ASAP1: variants seen among roughly 807,000 people sequenced by gnomAD.
The protein encoded by ASAP1 is arf-GAP with SH3 domain, ANK repeat and PH domain-containing protein 1.
In ASAP1, 43 loss-of-function variants were observed where a neutral mutation model predicts 145.2. The observed-to-expected ratio is 0.30, with a 90% confidence interval of 0.23 to 0.38. ASAP1 has a LOEUF of 0.38. Among genes scored for constraint, ASAP1 ranks in the 10% least tolerant of loss-of-function variants. ASAP1 has a pLI of 1.00. For missense variants in ASAP1, 1,018 were observed against 1,355.3 expected (o/e 0.75, Z 3.91); for synonymous variants, 546 against 515.5 (o/e 1.06, Z -0.80).
At chr8:130,341,806 A>G (rs1039212339) in intron 3 of ASAP1, among the ~76,000 whole-genome samples, 1 of 152,202 alleles carries the variant, frequency 6.6e-6, no homozygotes, top group African/African-American at 2.4e-5. Flanking sequence ...GAAACAGGAA[A>G]AGCATTTATT....
intron 4 of ASAP1, among the ~76,000 whole-genome samples, chr8:130,232,807 G>A (rs1160306235): frequency 1.3e-5 from 2 of 152,136 alleles, no homozygotes; most frequent in African/African-American, 4.8e-5. Flanking sequence ...CTTTTTAAAT[G>A]TTTAAAAAAT....
chr8:130,196,907 T>C (rs1397395935), intron 5 of ASAP1, among the ~76,000 whole-genome samples: 1 of 152,246 alleles, frequency 6.6e-6, no homozygotes, highest in Non-Finnish European at 1.5e-5. Context: ...TATTTAAAAC[T>C]GGTGCCTCCT....
intron 24 of ASAP1, among the ~76,000 whole-genome samples, chr8:130,094,285 A>T (rs1240745993): frequency 6.6e-6 from 1 of 152,188 alleles, no homozygotes; most frequent in Non-Finnish European, 1.5e-5. Flanking sequence ...ATCACAGCTC[A>T]CTGCAGCCCT....
At chr8:130,064,021 T>C (rs951892475) in intron 27 of ASAP1, among the ~76,000 whole-genome samples, 1 of 152,120 alleles carries the variant, frequency 6.6e-6, no homozygotes, top group Non-Finnish European at 1.5e-5. Flanking sequence ...AAGGCCACTC[T>C]GATATGGCAA....
intron 3 of ASAP1, among the ~76,000 whole-genome samples, chr8:130,322,550 G>A (rs1824072841): frequency 6.6e-6 from 1 of 152,190 alleles, no homozygotes; most frequent in Non-Finnish European, 1.5e-5. Flanking sequence ...CAGAACTGGG[G>A]ACTAGGAATC....
rs7017089 is a variant in ASAP1 at position 130,419,312 on chromosome 8, G to A, written c.-27-17342C>T. ...TCACTGGCTTAAAACCATCCCCATCGTCTGCCACTAATTACTTTAGAAGGA... is the reference window on the plus strand; with the variant it reads ...TCACTGGCTTAAAACCATCCCCATCATCTGCCACTAATTACTTTAGAAGGA... On this transcript the variant is annotated intron_variant, in intron 1 of 29. Transcript: ENST00000518721. 4.7e-3 allele frequency among the ~76,000 whole-genome samples: 716 copies of A among 152,272 alleles called. 4 individuals are homozygous for A. Among genetic ancestry groups the A allele is most frequent in the African/African-American group, 0.016 (676 of 41,538 alleles).
At chr8:130,437,735 C>A (rs1830363310) in intron 1 of ASAP1, among the ~76,000 whole-genome samples, 1 of 152,304 alleles carries the variant, frequency 6.6e-6, no homozygotes, top group East Asian at 1.9e-4. Flanking sequence ...TGTCAACATC[C>A]CCCAGAAGCC....
chr8:130,443,216 C>T (rs967949020), intron 1 of ASAP1, among the ~76,000 whole-genome samples: 1 of 131,210 alleles, frequency 7.6e-6, no homozygotes, highest in Non-Finnish European at 1.6e-5. Flanking sequence ...GAGGAGACCT[C>T]CCCCCCCCAC....
Position 130,072,824 on chromosome 8 carries a change from T to TGTGTGTGTGTGTGCGCGC in ASAP1, c.2701+3523_2701+3524insGCGCGCACACACACACAC. Among the ~76,000 whole-genome samples the TGTGTGTGTGTGTGCGCGC allele has an allele frequency of 2.3e-3, 75 of 32,292 alleles. 7 individuals are homozygous for TGTGTGTGTGTGTGCGCGC. The highest frequency in any genetic ancestry group is 7.5e-3 in the Admixed American group (21 of 2,784). The allele number at this position is 32,292 out of a possible 152,430, so 21.2% of individuals were successfully genotyped here. ...GTGTGTGTGTGTGTGTGTGTGTGTGTGCGCGCGGGGGGGGGCAGTTTTGGG... is the reference window on the plus strand; with the variant it reads ...GTGTGTGTGTGTGTGTGTGTGTGTGTGTGTGTGTGTGTGCGCGCGCGCGCGGGGGGGGGCAGTTTTGGG... On this transcript the variant is annotated intron_variant, in intron 27 of 29. Coordinates refer to ENST00000518721, the MANE Select transcript of ASAP1 (RefSeq NM_018482.4).
At chr8:130,066,150 T>G (rs898035494) in intron 27 of ASAP1, among the ~76,000 whole-genome samples, 27 of 152,180 alleles carry the variant, frequency 1.8e-4, no homozygotes, top group Non-Finnish European at 3.8e-4. Flanking sequence ...ACAGAGGTAT[T>G]TCCTTTGCCT....
At chr8:130,317,053 C>T (rs1021108719) in intron 3 of ASAP1, among the ~76,000 whole-genome samples, 4 of 150,594 alleles carry the variant, frequency 2.7e-5, no homozygotes, top group South Asian at 4.2e-4. Context: ...CACCTTGAGA[C>T]TCATTCCTAT....
chr8:130,060,831 TAA>T lies in ASAP1; in HGVS notation c.2938_2939del (p.Leu980ThrfsTer36). On this transcript the variant is annotated frameshift_variant, in exon 28 of 30. Transcript: ENST00000518721. LOFTEE classifies it high-confidence loss of function. ...GGTCCTTCATCTGTGGTTTGGGAGGTAAGTCTGAGAGTTGGGGTTTGGGTGGC... is the reference window on the plus strand; with the variant it reads ...GGTCCTTCATCTGTGGTTTGGGAGGTGTCTGAGAGTTGGGGTTTGGGTGGC... ...DLPPKPQLSDLPPKPQMKDLP... is the reference protein window; with the variant it reads ...DLPPKPQLSDXPPKPQMKDLP... 6.2e-7 allele frequency: 1 copy of T among 1,613,494 alleles called. No homozygotes were observed. The highest frequency in any genetic ancestry group is 8.5e-7 in the Non-Finnish European group (1 of 1,179,882).
chr8:130,178,252 C>G (rs11774690), intron 9 of ASAP1, among the ~76,000 whole-genome samples: 55,093 of 152,080 alleles, frequency 0.36, 10,742 homozygotes, highest in East Asian at 0.64. Context: ...GAAGGTCCTT[C>G]CATTATTTTC....
chr8:130,314,920 G>C (rs368192921), intron 3 of ASAP1, among the ~76,000 whole-genome samples: 2 of 152,314 alleles, frequency 1.3e-5, no homozygotes, highest in South Asian at 2.1e-4. Flanking sequence ...AAGAGAGAGA[G>C]AGAAAAAGTG....
At position 130,052,533 on chromosome 8, in the gene ASAP1, A is replaced by G. The variant is rs1178630764; in HGVS notation, c.*2198T>C. ...TAAACTCAACAAGATCACCAAAGGT[A>G]TTTCTACTGAGTTTTCCTATGTCCC... On this transcript the variant is annotated 3_prime_UTR_variant, in exon 30 of 30. Coordinates refer to ENST00000518721, the MANE Select transcript of ASAP1 (RefSeq NM_018482.4). 3 of 152,616 alleles carry G rather than the reference A, an allele frequency of 2.0e-5. No individual in the cohort carries two copies. The highest frequency in any genetic ancestry group is 6.5e-5 in the Admixed American group (1 of 15,270). 9.5% of individuals were successfully genotyped at this position (152,616 alleles called of 1,614,324 possible).
At chr8:130,268,534 C>G (rs112996168) in intron 3 of ASAP1, among the ~76,000 whole-genome samples, 1 of 145,570 alleles carries the variant, frequency 6.9e-6, no homozygotes, top group African/African-American at 2.7e-5. Context: ...CACACACACA[C>G]AACTGTGTAA....
intron 21 of ASAP1, 38 bp downstream of exon 21, chr8:130,116,842 G>A (rs1388903466): frequency 2.5e-6 from 4 of 1,578,112 alleles, no homozygotes; most frequent in Non-Finnish European, 3.5e-6. Flanking sequence ...TGCAACACAC[G>A]CTTACTACAG....
chr8:130,373,013 TAC>T (rs111944242), intron 2 of ASAP1, among the ~76,000 whole-genome samples: 16,870 of 137,286 alleles, frequency 0.12, 1,198 homozygotes, highest in African/African-American at 0.22. Flanking sequence ...CAGACACACA[TAC>T]ACACAGACAC....
At chr8:130,215,283 A>C (rs1257300262) in intron 4 of ASAP1, among the ~76,000 whole-genome samples, 1 of 152,198 alleles carries the variant, frequency 6.6e-6, no homozygotes, top group East Asian at 1.9e-4. Flanking sequence ...GTCAAATTAC[A>C]TCACATTTTC....
Sources: allele counts gnomAD v4.1 joint callset (sites outside exome capture counted in the v4.1 genomes callset), GRCh38; gene constraint gnomAD v4.1.1; transcripts MANE v1.5; gene names NCBI Gene and HGNC (gene_info 2026-07-23, HGNC 2026-07-21).